ACADVL: variants seen among roughly 807,000 people sequenced by gnomAD.
ACADVL encodes very long-chain acyl-CoA dehydrogenase, mitochondrial.
In ACADVL, 73 loss-of-function variants were observed where a neutral mutation model predicts 80.4. The observed-to-expected ratio is 0.91, with a 90% CI of 0.75 to 1.10. ACADVL has a LOEUF of 1.10. Among genes scored for constraint, ACADVL ranks in the 50% least tolerant of loss-of-function variants. The pLI, the probability that ACADVL is intolerant of heterozygous loss-of-function variation, is 0.00. For missense variants in ACADVL, 878 were observed against 858.9 expected (o/e 1.02, Z -0.28); for synonymous variants, 392 against 326.5 (o/e 1.20, Z -2.16).
intron 10 of ACADVL, 26 bp downstream of exon 10, chr17:7,222,891 G>A: frequency 6.2e-7 from 1 of 1,607,554 alleles, no homozygotes; most frequent in Non-Finnish European, 8.5e-7. Context: ...GAGTCCCTAG[G>A]TAACCCAAAC....
chr17:7,224,820 C>T lies in ACADVL; in HGVS notation c.1763C>T (p.Ser588Phe), dbSNP rs2071402000. Residue 588 changes from serine (S) to phenylalanine (F), a missense_variant, in exon 19 of 20, where the codon TCC becomes TTC. By Grantham distance (155) the Ser-to-Phe change is radical. Transcript: ENST00000356839. The part of the protein sequence containing the change: ...MVVVLSRASR[S>F]LSEGHPTAQH... ...CTGCTTCCTGCCAGGGCCTCAAGAT[C>T]CCTGAGTGAGGGCCACCCCACGGCC... 1.2e-6 allele frequency: 2 copies of T among 1,614,002 alleles called. No individual in the cohort carries two copies. Among genetic ancestry groups the T allele is most frequent in the African/African-American group, 1.3e-5 (1 of 75,000 alleles).
rs2142991217 is a variant in ACADVL at position 7,225,040 on chromosome 17, C to T, written c.1911C>T (p.Ile637=). The T allele has an allele frequency of 6.2e-7, 1 of 1,614,160 alleles. No individual in the cohort carries two copies. Among genetic ancestry groups the T allele is most frequent in the Non-Finnish European group, 8.5e-7 (1 of 1,180,044 alleles). ...AGCTCTACCGCAACTTCAAAAGCAT[C>T]TCCAAGGCCTTGGTGGAGCGGGGTG... ...QQELYRNFKS[I]SKALVERGGV... is the part of the protein sequence containing the mutation. The change falls in exon 20 of 20, where the codon ATC becomes ATT. Residue 637 remains isoleucine, a synonymous_variant. Transcript: ENST00000356839.
intron 2 of ACADVL, 28 bp downstream of exon 2, chr17:7,220,225 G>A: frequency 6.6e-7 from 1 of 1,524,498 alleles, no homozygotes; most frequent in Non-Finnish European, 8.8e-7. Flanking sequence ...TGGCAAGGGG[G>A]TGTGGGAGCG....
At chr17:7,220,867 G>A in intron 5 of ACADVL, 37 bp downstream of exon 5, 1 of 1,614,066 alleles carries the variant, frequency 6.2e-7, no homozygotes, top group Non-Finnish European at 8.5e-7. Context: ...CTGGTGAGGT[G>A]TTTGGAGATG....
rs928511652 is a variant in ACADVL at position 7,221,750 on chromosome 17, G to A, written c.622+68G>A. The A allele has an allele frequency of 3.7e-6, 6 of 1,609,566 alleles. No homozygotes were observed. In the African/African-American group the frequency reaches 5.3e-5, roughly 14 times the overall value. On this transcript the variant is annotated intron_variant, in intron 7 of 19. Coordinates refer to ENST00000356839, the MANE Select transcript of ACADVL (RefSeq NM_000018.4). ...GGCTTGGCACAGATTAGGCCAGTTG[G>A]CACTTAGATTATCAGATGGCTGAGC...
At position 7,224,675 on chromosome 17, in the gene ACADVL, G is replaced by A. The variant is rs1455222340; in HGVS notation, c.1712G>A (p.Gly571Glu). Reference protein sequence around the residue: ...EQFLLQRLADGAIDLYAMVVV... With the variant: ...EQFLLQRLADEAIDLYAMVVV... ...TTTCTGCTGCAGCGGCTGGCAGACG[G>A]GGCCATCGACCTCTATGCCATGGTG... Residue 571 changes from glycine to glutamate, a missense_variant, in exon 18 of 20, where the codon GGG becomes GAG. Physicochemically the swap from Gly to Glu is moderately conservative, Grantham distance 98. Transcript: ENST00000356839. The A allele has an allele frequency of 1.3e-6, 2 of 1,572,094 alleles. No individual in the cohort carries two copies. Among genetic ancestry groups the A allele is most frequent in the East Asian group, 2.3e-5 (1 of 42,574 alleles).
rs2071362166 is a variant in ACADVL at position 7,224,132 on chromosome 17, C to G, written c.1435-14C>G. 1 of 1,614,046 alleles carries G rather than the reference C, an allele frequency of 6.2e-7. No homozygotes were observed. Among genetic ancestry groups the G allele is most frequent in the East Asian group, 2.2e-5 (1 of 44,884 alleles). On this transcript the variant is annotated splice_polypyrimidine_tract_variant and intron_variant, in intron 14 of 19. Coordinates refer to ENST00000356839, the MANE Select transcript of ACADVL (RefSeq NM_000018.4). ...GACAGTGAGTCCTGACTGCTGGACC[C>G]TCTTCCCCCATAGGACAAAGGAAAG... is the stretch of plus-strand genomic sequence containing the variant.
At position 7,223,122 on chromosome 17, in the gene ACADVL, C is replaced by T. The variant is rs1228106363; in HGVS notation, c.1078-11C>T. ...ACTGAACCACAGCGGGATGTGTGGACCCTCTTCCAGGTAGATCATGCCACT... is the reference window on the plus strand; with the variant it reads ...ACTGAACCACAGCGGGATGTGTGGATCCTCTTCCAGGTAGATCATGCCACT... On this transcript the variant is annotated splice_polypyrimidine_tract_variant and intron_variant, in intron 10 of 19. Coordinates refer to ENST00000356839, the MANE Select transcript of ACADVL (RefSeq NM_000018.4). The T allele has an allele frequency of 1.9e-6, 3 of 1,607,460 alleles. No individual in the cohort carries two copies. The highest frequency in any genetic ancestry group is 1.1e-5 in the South Asian group (1 of 90,970).
rs1567566136 is a variant in ACADVL, at chr17:7,223,114, T to C, written c.1078-19T>C. The C allele has an allele frequency of 1.3e-6, 2 of 1,593,420 alleles. No individual in the cohort carries two copies. The highest frequency in any genetic ancestry group is 1.7e-6 in the Non-Finnish European group (2 of 1,161,386). ...AGAACCACACTGAACCACAGCGGGA[T>C]GTGTGGACCCTCTTCCAGGTAGATC... is the stretch of plus-strand genomic sequence containing the variant. On this transcript the variant is annotated intron_variant, in intron 10 of 19. Transcript: ENST00000356839.
At chr17:7,222,903 G>T (rs768632942) in intron 10 of ACADVL, 38 bp downstream of exon 10, 8 of 1,603,310 alleles carry the variant, frequency 5.0e-6, no homozygotes, top group Non-Finnish European at 6.8e-6. Context: ...AACCCAAACA[G>T]AAGTCTCACT....
At position 7,224,193 on chromosome 17, in the gene ACADVL, C is replaced by G. The variant is rs2071364748; in HGVS notation, c.1482C>G (p.Pro494=). The G allele has an allele frequency of 6.2e-7, 1 of 1,613,958 alleles. No individual in the cohort carries two copies. Among genetic ancestry groups the G allele is most frequent in the African/African-American group, 1.3e-5 (1 of 74,884 alleles). Residue 494 remains proline (P), a synonymous_variant, in exon 15 of 20, where the codon CCC becomes CCG. Coordinates refer to ENST00000356839, the MANE Select transcript of ACADVL (RefSeq NM_000018.4). ...LSGLGSALKN[P]FGNAGLLLGE... is the part of the protein sequence containing the mutation. Reference sequence around the variant, plus strand: ...GGCTTGGCAGTGCTCTAAAGAATCCCTTTGGGAATGCTGGCCTCCTGCTAG... The same window carrying G: ...GGCTTGGCAGTGCTCTAAAGAATCCGTTTGGGAATGCTGGCCTCCTGCTAG...
rs750500828 is a variant in ACADVL, at chr17:7,224,623, CACCCCA to C, written c.1679-18_1679-13del. 1 of 1,546,210 alleles carries C rather than the reference CACCCCA, an allele frequency of 6.5e-7. No individual in the cohort carries two copies. The highest frequency in any genetic ancestry group is 1.9e-5 in the Admixed American group (1 of 51,744). On this transcript the variant is annotated splice_polypyrimidine_tract_variant and intron_variant, in intron 17 of 19. Coordinates refer to ENST00000356839, the MANE Select transcript of ACADVL (RefSeq NM_000018.4). ...AGACTAATGCCCCCACCCCCACCCC[CACCCCA>C]CCTACCGGACAGATGAACAGTTTCT...
At chr17:7,221,430 GGTCAGGAACTGCCCTA>G in intron 6 of ACADVL, 92 bp from the exon 7 acceptor site, 2 of 473,016 alleles carry the variant, frequency 4.2e-6, no homozygotes, top group South Asian at 7.8e-5. Context: ...CACTGCCCTA[GGTCAGGAACTGCCCTA>G]GGTCAGGAAC....
chr17:7,222,183 GGGCCT>G lies in ACADVL; in HGVS notation c.760_764del (p.Gly254SerfsTer42). 1 of 1,614,130 alleles carries G rather than the reference GGGCCT, an allele frequency of 6.2e-7. No individual in the cohort carries two copies. ...ATATCCCATTCTTCCACAGTAATGG[GGGCCT>G]AGCAGACATCTTCACGGTCTTTGCC... On this transcript the variant is annotated frameshift_variant, in exon 9 of 20. Coordinates refer to ENST00000356839, the MANE Select transcript of ACADVL (RefSeq NM_000018.4). LOFTEE classifies it high-confidence loss of function.
rs886043236 is a variant in ACADVL at position 7,223,871 on chromosome 17, T to C, written c.1328T>C (p.Met443Thr). Residue 443 changes from methionine to threonine, a missense_variant, in exon 13 of 20, where the codon ATG becomes ACG. Transcript: ENST00000356839. The part of the protein sequence containing the change: ...CIQIMGGMGF[M>T]KEPGVERVLR... ...CAAATCATGGGGGGTATGGGCTTCA[T>C]GAAGGTACAGGACGGTCTTCTGCAG... 1 of 1,613,968 alleles carries C rather than the reference T, an allele frequency of 6.2e-7. No individual in the cohort carries two copies. Among genetic ancestry groups the C allele is most frequent in the Admixed American group, 1.7e-5 (1 of 60,020 alleles).
In ACADVL at chr17:7,224,984, G is replaced by C; in HGVS notation, c.1855G>C (p.Ala619Pro). 1 of 1,614,096 alleles carries C rather than the reference G, an allele frequency of 6.2e-7. No individual in the cohort carries two copies. The highest frequency in any genetic ancestry group is 1.1e-5 in the South Asian group (1 of 91,082). The change falls in exon 20 of 20, where the codon GCC becomes CCC. Residue 619 changes from alanine (A) to proline (P), a missense_variant. Ala to Pro is a conservative substitution (Grantham distance 27). Transcript: ENST00000356839. ...TGCAGCTCGGATCCGAGAGGGCATG[G>C]CCGCCCTGCAGTCTGACCCCTGGCA... is the stretch of plus-strand genomic sequence containing the variant. Reference protein sequence around the residue: ...EAAARIREGMAALQSDPWQQE... With the variant: ...EAAARIREGMPALQSDPWQQE...
chr17:7,218,236 C>T, upstream of ACADVL: 6 of 1,608,490 alleles, frequency 3.7e-6, no homozygotes, highest in Non-Finnish European at 5.1e-6. Flanking sequence ...CCCCCACCTC[C>T]TTACCTGACT....
rs371402802 is a variant in ACADVL, at chr17:7,224,567, C to T, written c.1678+15C>T. 603 of 1,609,640 alleles carry T rather than the reference C, an allele frequency of 3.7e-4. 1 individual carries two copies. Among genetic ancestry groups the T allele is most frequent in the Non-Finnish European group, 4.8e-4 (571 of 1,179,870 alleles). Reference sequence around the variant, plus strand: ...GGGGATTGTCAGTAAGTGAGCTCTACACCATTCCGCCCCTCCCTTTCCTCT... The same window carrying T: ...GGGGATTGTCAGTAAGTGAGCTCTATACCATTCCGCCCCTCCCTTTCCTCT... On this transcript the variant is annotated intron_variant, in intron 17 of 19. Coordinates refer to ENST00000356839, the MANE Select transcript of ACADVL (RefSeq NM_000018.4).
chr17:7,224,368 CG>C lies in ACADVL; in HGVS notation c.1582del (p.Glu528SerfsTer2). 1 of 1,613,826 alleles carries C rather than the reference CG, an allele frequency of 6.2e-7. No individual in the cohort carries two copies. Among genetic ancestry groups the C allele is most frequent in the African/African-American group, 1.3e-5 (1 of 75,018 alleles). On this transcript the variant is annotated frameshift_variant, in exon 16 of 20. Coordinates refer to ENST00000356839, the MANE Select transcript of ACADVL (RefSeq NM_000018.4). LOFTEE classifies it high-confidence loss of function. ...CTGAGTCTCAGCGGACTTGTCCACC[CG>C]GAGTTGAGTCGGAGTGGCGAGCTGG... ...SGLSLSGLVH[P>X]ELSRSGELAV...
Sources: allele counts gnomAD v4.1 joint callset, GRCh38; gene constraint gnomAD v4.1.1; transcripts MANE v1.5; gene names NCBI Gene and HGNC (gene_info 2026-07-23, HGNC 2026-07-21).